Variants in SPOCK1 observed in about 807,000 individuals in gnomAD.
SPOCK1 encodes SPARC (osteonectin), cwcv and kazal like domains proteoglycan 1, also known as testican-1.
SPOCK1 carries 23 observed loss-of-function variants against 55.3 expected under a neutral mutation model. The observed-to-expected ratio is 0.42, with a 90% confidence interval of 0.30 to 0.59. SPOCK1 has a LOEUF of 0.59. Among genes scored for constraint, SPOCK1 ranks in the 20% least tolerant of loss-of-function variants. The pLI is 0.22. For synonymous variants in SPOCK1, 226 were observed against 221.0 expected (o/e 1.02, Z -0.20); for missense variants, 499 against 552.5 (o/e 0.90, Z 0.97).
intron 2 of SPOCK1, among the ~76,000 whole-genome samples, chr5:137,299,448 A>G (rs761968115): frequency 6.6e-6 from 1 of 151,820 alleles, no homozygotes; most frequent in Non-Finnish European, 1.5e-5. Flanking sequence ...TCCTGTATAC[A>G]TTTATATTTA....
At chr5:137,111,077 A>G (rs2127031558) in intron 5 of SPOCK1, among the ~76,000 whole-genome samples, 1 of 152,272 alleles carries the variant, frequency 6.6e-6, no homozygotes, top group South Asian at 2.1e-4. Flanking sequence ...CAAAATCGAT[A>G]GGGAAAAGTG....
intron 3 of SPOCK1, among the ~76,000 whole-genome samples, chr5:137,204,053 A>C (rs561559732): frequency 1.3e-5 from 2 of 152,128 alleles, no homozygotes; most frequent in African/African-American, 4.8e-5. Flanking sequence ...TTTGTCCTGT[A>C]CTCTGCATTT....
intron 2 of SPOCK1, among the ~76,000 whole-genome samples, chr5:137,354,823 T>C (rs1363477816): frequency 6.6e-6 from 1 of 152,214 alleles, no homozygotes; most frequent in Non-Finnish European, 1.5e-5. Flanking sequence ...TGAGTGAATA[T>C]TTCATTAATT....
intron 9 of SPOCK1, among the ~76,000 whole-genome samples, chr5:136,982,893 A>G (rs1750759291): frequency 6.6e-6 from 1 of 152,224 alleles, no homozygotes; most frequent in Non-Finnish European, 1.5e-5. Context: ...TCACACTTGA[A>G]TGATCACTGG....
chr5:137,254,390 C>T (rs1351516952), intron 3 of SPOCK1, among the ~76,000 whole-genome samples: 2 of 152,118 alleles, frequency 1.3e-5, no homozygotes, highest in South Asian at 4.2e-4. Flanking sequence ...CCATGAGAAA[C>T]CCTTTCCACT....
chr5:137,468,408 C>T (rs933721745), intron 2 of SPOCK1, among the ~76,000 whole-genome samples: 1 of 152,202 alleles, frequency 6.6e-6, no homozygotes, highest in Non-Finnish European at 1.5e-5. Flanking sequence ...CTCCTGCTTA[C>T]CAGCAAGCTG....
At chr5:137,406,073 C>G (rs530275373) in intron 2 of SPOCK1, among the ~76,000 whole-genome samples, 2 of 152,178 alleles carry the variant, frequency 1.3e-5, no homozygotes, top group Non-Finnish European at 2.9e-5. Context: ...GAGGACATCC[C>G]AATTTCTAGG....
chr5:137,337,136 C>A (rs534892129), intron 2 of SPOCK1, among the ~76,000 whole-genome samples: 16 of 152,212 alleles, frequency 1.1e-4, no homozygotes, highest in Admixed American at 9.2e-4. Flanking sequence ...CTACCTTTTG[C>A]AAAAAGTAAT....
At chr5:137,122,456 T>A (rs1753704941) in intron 4 of SPOCK1, among the ~76,000 whole-genome samples, 1 of 152,152 alleles carries the variant, frequency 6.6e-6, no homozygotes, top group South Asian at 2.1e-4. Flanking sequence ...CTAACAAGGG[T>A]CAGAAAAGAA....
At chr5:137,299,886 T>C (rs939646402) in intron 2 of SPOCK1, among the ~76,000 whole-genome samples, 1 of 152,170 alleles carries the variant, frequency 6.6e-6, no homozygotes, top group Non-Finnish European at 1.5e-5. Context: ...GCAGATTTCT[T>C]TGTATATATC....
In SPOCK1 at chr5:137,067,842, G is replaced by A; in HGVS notation, c.475-13C>T. ...ACTCCAATTTGCACTGCAAAAGAGA[G>A]ACACAACAGGTCTTAAGAATGCAGC... is the stretch of plus-strand genomic sequence containing the variant. On this transcript the variant is annotated splice_polypyrimidine_tract_variant and intron_variant, in intron 5 of 10. Transcript: ENST00000394945. 1 of 1,606,214 alleles carries A rather than the reference G, an allele frequency of 6.2e-7. No homozygotes were observed. The highest frequency in any genetic ancestry group is 8.5e-7 in the Non-Finnish European group (1 of 1,172,822).
intron 2 of SPOCK1, among the ~76,000 whole-genome samples, chr5:137,426,242 G>A (rs1408422801): frequency 6.6e-6 from 1 of 152,154 alleles, no homozygotes. Flanking sequence ...TTATTTGACT[G>A]TTGCTTTTAA....
chr5:137,129,475 G>A (rs147065792), intron 4 of SPOCK1, among the ~76,000 whole-genome samples: 1 of 152,220 alleles, frequency 6.6e-6, no homozygotes, highest in East Asian at 1.9e-4. Context: ...GCCTCCCTGA[G>A]AATTCAGAGG....
intron 6 of SPOCK1, among the ~76,000 whole-genome samples, chr5:137,053,086 C>A (rs977441347): frequency 2.6e-5 from 4 of 152,032 alleles, no homozygotes; most frequent in African/African-American, 9.7e-5. Context: ...GATTTATAAC[C>A]ATAGGTCAAA....
chr5:137,195,576 C>A (rs1056195211), intron 3 of SPOCK1, among the ~76,000 whole-genome samples: 4 of 152,202 alleles, frequency 2.6e-5, no homozygotes, highest in Non-Finnish European at 2.9e-5. Context: ...GGCATGACGG[C>A]CACCCTATTT....
intron 2 of SPOCK1, among the ~76,000 whole-genome samples, chr5:137,375,704 C>T (rs1751297339): frequency 6.6e-6 from 1 of 152,184 alleles, no homozygotes; most frequent in Non-Finnish European, 1.5e-5. Context: ...GTGTCTCCTC[C>T]TTGTAAAAAA....
intron 2 of SPOCK1, among the ~76,000 whole-genome samples, chr5:137,353,684 A>G (rs1369199024): frequency 6.6e-6 from 1 of 152,152 alleles, no homozygotes; most frequent in Non-Finnish European, 1.5e-5. Flanking sequence ...ACTCTGACCA[A>G]TAGGGACTGC....
At chr5:137,314,660 T>C (rs923804477) in intron 2 of SPOCK1, among the ~76,000 whole-genome samples, 2 of 152,196 alleles carry the variant, frequency 1.3e-5, no homozygotes, top group Non-Finnish European at 2.9e-5. Context: ...CTATTGTTTA[T>C]CCACAGCTAC....
chr5:137,267,369 C>G (rs1756878984), intron 2 of SPOCK1, among the ~76,000 whole-genome samples: 1 of 152,196 alleles, frequency 6.6e-6, no homozygotes, highest in African/African-American at 2.4e-5. Flanking sequence ...TATTTGCTAT[C>G]AATTATACTG....
Sources: gnomAD v4.1 joint callset for allele counts (sites outside exome capture counted in the v4.1 genomes callset) on GRCh38, gnomAD v4.1.1 for gene constraint, MANE v1.5 for transcripts, NCBI Gene and HGNC (gene_info 2026-07-23, HGNC 2026-07-21) for gene names.